EYS: variants seen among roughly 807,000 people sequenced by gnomAD.
EYS encodes the protein protein eyes shut homolog.
In EYS, 250 loss-of-function variants were observed where a neutral mutation model predicts 282.1. The observed-to-expected ratio is 0.89, with a 90% confidence interval of 0.80 to 0.98. The LOEUF is 0.98. EYS is among the 50% of genes least tolerant of loss of function. The pLI is 0.00. For missense variants in EYS, 4,016 were observed against 3,709.0 expected (o/e 1.08, Z -2.15); for synonymous variants, 1,355 against 1,282.9 (o/e 1.06, Z -1.20).
intron 26 of EYS, among the ~76,000 whole-genome samples, chr6:64,559,911 T>C (rs1242474897): frequency 6.6e-6 from 1 of 152,102 alleles, no homozygotes; most frequent in Non-Finnish European, 1.5e-5. Flanking sequence ...TTCCTCCTTG[T>C]ACCCTCTACC....
chr6:64,398,889 T>C (rs557948340), intron 28 of EYS, among the ~76,000 whole-genome samples: 1 of 151,982 alleles, frequency 6.6e-6, no homozygotes, highest in East Asian at 1.9e-4. Flanking sequence ...CTGGATATTC[T>C]TGGATTCTGT....
intron 22 of EYS, among the ~76,000 whole-genome samples, chr6:64,643,540 T>A (rs12525290): frequency 0.6 from 90,853 of 151,768 alleles, 27,360 homozygotes; most frequent in South Asian, 0.66. Flanking sequence ...TGTAGGGAAG[T>A]GTGTGGTGTT....
At chr6:63,992,555 T>C (rs1336770018) in intron 34 of EYS, among the ~76,000 whole-genome samples, 1 of 151,806 alleles carries the variant, frequency 6.6e-6, no homozygotes, top group African/African-American at 2.4e-5. Flanking sequence ...ATTGAAGTTA[T>C]TATTACCTTA....
chr6:65,207,965 T>C (rs1329387923), intron 12 of EYS, among the ~76,000 whole-genome samples: 1 of 151,752 alleles, frequency 6.6e-6, no homozygotes, highest in Non-Finnish European at 1.5e-5. Flanking sequence ...GCAAAGACTT[T>C]ATGACTACTA....
intron 30 of EYS, among the ~76,000 whole-genome samples, chr6:64,242,381 T>TG (rs1766863496): frequency 8.5e-5 from 13 of 152,102 alleles, no homozygotes; most frequent in Admixed American, 6.6e-4. Flanking sequence ...TTAAACCAAA[T>TG]CAGAAAGTAT....
intron 5 of EYS, among the ~76,000 whole-genome samples, chr6:65,429,542 T>A (rs913479319): frequency 5.9e-5 from 9 of 152,186 alleles, no homozygotes; most frequent in Non-Finnish European, 2.9e-5. Context: ...ATTGTCCGTA[T>A]ACAGTAGTAT....
chr6:63,984,379 T>C lies in EYS; in HGVS notation c.7055+4A>G. The C allele has an allele frequency of 6.5e-7, 1 of 1,543,080 alleles. No homozygotes were observed. Among genetic ancestry groups the C allele is most frequent in the Non-Finnish European group, 8.8e-7 (1 of 1,139,646 alleles). ...AGGTTGGGAATCAGGAGACTAATAC[T>C]GACCTGATGCAGGTGCCATTGTTGC... On this transcript the variant is annotated splice_donor_region_variant and intron_variant, in intron 35 of 42. Coordinates refer to ENST00000503581, the MANE Select transcript of EYS (RefSeq NM_001142800.2).
intron 12 of EYS, among the ~76,000 whole-genome samples, chr6:65,179,758 G>T (rs1765325963): frequency 6.6e-6 from 1 of 151,968 alleles, no homozygotes; most frequent in South Asian, 2.1e-4. Context: ...AACATAAAAA[G>T]AGAATTTTAG....
At chr6:65,618,181 T>C (rs1766293433) in intron 2 of EYS, among the ~76,000 whole-genome samples, 2 of 152,140 alleles carry the variant, frequency 1.3e-5, no homozygotes, top group African/African-American at 4.8e-5. Context: ...AGTGTAAAAG[T>C]GTTCCTATTT....
intron 31 of EYS, among the ~76,000 whole-genome samples, chr6:64,220,808 G>C (rs191029030): frequency 2.0e-5 from 3 of 152,250 alleles, no homozygotes; most frequent in African/African-American, 7.2e-5. Flanking sequence ...GGATTAGATA[G>C]GTAGAATAGT....
chr6:65,648,233 T>A (rs1484068284), intron 1 of EYS, among the ~76,000 whole-genome samples: 1 of 152,076 alleles, frequency 6.6e-6, no homozygotes, highest in Non-Finnish European at 1.5e-5. Context: ...CACGCACATG[T>A]TTATAGCAGC....
At chr6:64,995,864 G>T (rs1771242762) in intron 14 of EYS, among the ~76,000 whole-genome samples, 1 of 151,986 alleles carries the variant, frequency 6.6e-6, no homozygotes, top group Non-Finnish European at 1.5e-5. Flanking sequence ...TCTGTTATTT[G>T]GTATAAGGCA....
intron 31 of EYS, among the ~76,000 whole-genome samples, chr6:64,103,633 C>G (rs1278349699): frequency 6.6e-6 from 1 of 152,002 alleles, no homozygotes; most frequent in African/African-American, 2.4e-5. Flanking sequence ...TGGTGATATG[C>G]CAGAATAAAG....
intron 33 of EYS, 67 bp downstream of exon 33, chr6:64,066,271 C>T: frequency 7.2e-7 from 1 of 1,381,022 alleles, no homozygotes. Context: ...GAGCAAGACT[C>T]CATCTCAAAA....
chr6:65,513,750 C>A (rs1399817117), intron 2 of EYS, among the ~76,000 whole-genome samples: 1 of 151,758 alleles, frequency 6.6e-6, no homozygotes, highest in East Asian at 1.9e-4. Flanking sequence ...ACCCTTCATG[C>A]TAAAAACTCT....
At chr6:65,672,441 A>G (rs1768422953) in intron 1 of EYS, among the ~76,000 whole-genome samples, 1 of 152,154 alleles carries the variant, frequency 6.6e-6, no homozygotes, top group Admixed American at 6.6e-5. Context: ...AAAACATTTG[A>G]GAGACCCGCA....
At chr6:65,421,476 T>A (rs1767452230) in intron 5 of EYS, among the ~76,000 whole-genome samples, 1 of 151,642 alleles carries the variant, frequency 6.6e-6, no homozygotes, top group Admixed American at 6.6e-5. Context: ...TAACATTTTC[T>A]TCATATCAAC....
intron 2 of EYS, among the ~76,000 whole-genome samples, chr6:65,617,266 G>C (rs1302260083): frequency 6.6e-6 from 1 of 152,088 alleles, no homozygotes; most frequent in African/African-American, 2.4e-5. Flanking sequence ...AATATAACAA[G>C]AGCCTGTGAA....
At chr6:64,707,866 T>C (rs986513241) in intron 22 of EYS, among the ~76,000 whole-genome samples, 15 of 151,286 alleles carry the variant, frequency 9.9e-5, no homozygotes, top group African/African-American at 3.4e-4. Context: ...GCAGCTTAGC[T>C]TTCCTTAAAA....
Sources: gnomAD v4.1 joint callset for allele counts (sites outside exome capture counted in the v4.1 genomes callset) on GRCh38, gnomAD v4.1.1 for gene constraint, MANE v1.5 for transcripts, NCBI Gene and HGNC (gene_info 2026-07-23, HGNC 2026-07-21) for gene names.